Variants in TMTC2 observed in about 807,000 individuals in gnomAD.
TMTC2 encodes transmembrane O-mannosyltransferase targeting cadherins 2, also known as protein O-mannosyl-transferase TMTC2.
Under a neutral mutation model 82.4 loss-of-function variants are expected in TMTC2, and 43 were observed. The ratio of observed to expected loss-of-function variants is 0.52; its 90% CI spans 0.41 to 0.67. The LOEUF (loss-of-function observed/expected upper bound fraction) is 0.67. Ranked by LOEUF, TMTC2 falls within the 30% of genes least tolerant of loss-of-function variation. TMTC2 has a pLI of 0.00. For missense variants in TMTC2, 919 were observed against 1,012.4 expected, an observed-to-expected ratio of 0.91 and a Z score of 1.25; for synonymous variants, 408 against 381.9, an observed-to-expected ratio of 1.07 and a Z score of -0.80.
intron 11 of TMTC2, among the ~76,000 whole-genome samples, chr12:83,118,918 T>C (rs1884857389): frequency 6.6e-6 from 1 of 152,172 alleles, no homozygotes; most frequent in South Asian, 2.1e-4. Flanking sequence ...ATCCATCTCT[T>C]CTAGGTTTTC....
intron 4 of TMTC2, among the ~76,000 whole-genome samples, chr12:82,957,046 T>C (rs1565827266): frequency 6.6e-6 from 1 of 152,122 alleles, no homozygotes; most frequent in Non-Finnish European, 1.5e-5. Flanking sequence ...TAGATATCTA[T>C]AGAATACGCT....
chr12:82,827,923 T>G (rs1283234643), intron 1 of TMTC2, among the ~76,000 whole-genome samples: 1 of 151,238 alleles, frequency 6.6e-6, no homozygotes, highest in African/African-American at 2.4e-5. Context: ...GACAGAGTCT[T>G]GCTCTGTCGC....
At chr12:82,907,260 G>A (rs192813565) in intron 3 of TMTC2, among the ~76,000 whole-genome samples, 589 of 151,848 alleles carry the variant, frequency 3.9e-3, no homozygotes, top group Non-Finnish European at 6.5e-3. Flanking sequence ...TCAGGAGTTC[G>A]AGACCAGCCT....
intron 2 of TMTC2, among the ~76,000 whole-genome samples, chr12:82,883,537 T>G (rs61931361): frequency 6.6e-6 from 1 of 152,190 alleles, no homozygotes; most frequent in Admixed American, 6.5e-5. Flanking sequence ...AGTCTCATTA[T>G]AATTTGTCTC....
intron 1 of TMTC2, among the ~76,000 whole-genome samples, chr12:82,819,811 T>C (rs904474645): frequency 5.9e-5 from 9 of 152,174 alleles, no homozygotes; most frequent in Middle Eastern, 3.4e-3. Flanking sequence ...CAGCCCCTCA[T>C]AGTACTTTGT....
chr12:82,909,129 G>T (rs532897332), intron 3 of TMTC2, among the ~76,000 whole-genome samples: 58 of 152,208 alleles, frequency 3.8e-4, no homozygotes, highest in African/African-American at 1.3e-3. Flanking sequence ...CATTCTCTAA[G>T]TTTTTTAAAT....
intron 11 of TMTC2, among the ~76,000 whole-genome samples, chr12:83,063,167 G>T (rs1367323673): frequency 1.3e-5 from 2 of 151,702 alleles, no homozygotes; most frequent in African/African-American, 4.8e-5. Flanking sequence ...AACTTAGAAA[G>T]TCCTGTTTGT....
intron 6 of TMTC2, chr12:82,966,005 A>G: frequency 2.0e-6 from 1 of 512,048 alleles, no homozygotes; most frequent in East Asian, 3.0e-5. Flanking sequence ...ATGGTATGTC[A>G]ATATGTATTG....
intron 3 of TMTC2, among the ~76,000 whole-genome samples, chr12:82,914,635 A>T (rs1565807425): frequency 6.6e-6 from 1 of 152,094 alleles, no homozygotes; most frequent in Non-Finnish European, 1.5e-5. Flanking sequence ...GAGCATAGAT[A>T]ATGAATAGGG....
intron 11 of TMTC2, among the ~76,000 whole-genome samples, chr12:83,075,207 G>T (rs1883246308): frequency 1.3e-5 from 2 of 152,166 alleles, no homozygotes; most frequent in South Asian, 4.1e-4. Flanking sequence ...CACAGTTGGG[G>T]CACTCACAGT....
intron 3 of TMTC2, among the ~76,000 whole-genome samples, chr12:82,928,026 A>G (rs993180494): frequency 2.0e-5 from 3 of 152,200 alleles, no homozygotes; most frequent in Non-Finnish European, 2.9e-5. Flanking sequence ...GTTTTCCTTT[A>G]TATGTCTGTT....
chr12:82,928,036 T>C (rs1875822365), intron 3 of TMTC2, among the ~76,000 whole-genome samples: 1 of 152,218 alleles, frequency 6.6e-6, no homozygotes, highest in Non-Finnish European at 1.5e-5. Flanking sequence ...ATATGTCTGT[T>C]GCCAACAAGA....
intron 3 of TMTC2, among the ~76,000 whole-genome samples, chr12:82,912,957 A>G (rs1262881374): frequency 2.0e-5 from 3 of 151,374 alleles, no homozygotes; most frequent in African/African-American, 7.3e-5. Context: ...AAAAAAAAAG[A>G]ATGGGTGGTA....
At chr12:82,854,910 G>A (rs924583668) in intron 1 of TMTC2, among the ~76,000 whole-genome samples, 2 of 152,114 alleles carry the variant, frequency 1.3e-5, no homozygotes, top group Non-Finnish European at 2.9e-5. Flanking sequence ...TATGGGTCAG[G>A]AAGACTTTAA....
intron 8 of TMTC2, chr12:83,021,857 CATG>C (rs974915807): frequency 2.0e-5 from 3 of 151,974 alleles, no homozygotes; most frequent in African/African-American, 7.3e-5. Context: ...TCGAATCCTC[CATG>C]ATGTTCCTTC....
At chr12:82,958,567 A>G (rs544164484) in intron 4 of TMTC2, among the ~76,000 whole-genome samples, 2 of 152,194 alleles carry the variant, frequency 1.3e-5, no homozygotes, top group South Asian at 4.2e-4. Flanking sequence ...CATAAGTAAA[A>G]TTAAAAACAA....
At chr12:82,698,460 C>A (rs2136894983) in intron 1 of TMTC2, among the ~76,000 whole-genome samples, 1 of 152,236 alleles carries the variant, frequency 6.6e-6, no homozygotes, top group East Asian at 1.9e-4. Flanking sequence ...TAAAAAGCTG[C>A]ATGGTTATAT....
intron 3 of TMTC2, among the ~76,000 whole-genome samples, chr12:82,904,932 A>G (rs534769457): frequency 1.4e-5 from 2 of 147,206 alleles, no homozygotes; most frequent in Non-Finnish European, 3.0e-5. Context: ...TCTCTCTTCT[A>G]TGATTTTTGC....
intron 8 of TMTC2, among the ~76,000 whole-genome samples, chr12:83,023,085 A>T (rs1881006028): frequency 6.6e-6 from 1 of 152,166 alleles, no homozygotes; most frequent in South Asian, 2.1e-4. Flanking sequence ...CTGTGATTTA[A>T]TGCTTTTCAT....
Sources: gnomAD v4.1 joint callset for allele counts (sites outside exome capture counted in the v4.1 genomes callset) on GRCh38, gnomAD v4.1.1 for gene constraint, MANE v1.5 for transcripts, NCBI Gene and HGNC (gene_info 2026-07-23, HGNC 2026-07-21) for gene names.